Variants in ASTN2 observed in about 807,000 individuals in gnomAD.
The protein encoded by ASTN2 is astrotactin 2.
A neutral mutation model predicts 139.8 loss-of-function variants in ASTN2; 54 were observed. The observed-to-expected ratio is 0.39, with a 90% CI of 0.31 to 0.48. The LOEUF (loss-of-function observed/expected upper bound fraction) is 0.48, where lower values mean the gene tolerates loss of function less well. Among genes scored for constraint, ASTN2 ranks in the 20% least tolerant of loss-of-function variants. The probability of loss-of-function intolerance (pLI) is 0.95; values close to 1 mark genes in which losing one functional copy is unlikely to be tolerated. For synonymous variants in ASTN2, 756 were observed against 719.5 expected (o/e 1.05, Z -0.81); for missense variants, 1,565 against 1,725.1 (o/e 0.91, Z 1.64).
rs190761131 is a variant in ASTN2 at position 116,570,541 on chromosome 9, G to A, written c.3355+47783C>T. The stretch of plus-strand genomic sequence containing the variant: ...CTCTCGAGTAGCTGGGACTACCGGC[G>A]CCCGCCACCATGCCCGGCTAATTTT... On this transcript the variant is annotated intron_variant, in intron 19 of 22. Transcript: ENST00000313400. Among the ~76,000 whole-genome samples the A allele has an allele frequency of 0.019, 2,892 of 152,082 alleles. 399 individuals carry two copies. In the South Asian group the frequency reaches 0.29, roughly 16 times the overall value.
intron 22 of ASTN2, among the ~76,000 whole-genome samples, chr9:116,437,874 C>T (rs1373400430): frequency 3.9e-5 from 6 of 152,248 alleles, no homozygotes; most frequent in East Asian, 1.9e-4. Flanking sequence ...GACAGAGATC[C>T]GTTTTATCCC....
intron 20 of ASTN2, among the ~76,000 whole-genome samples, chr9:116,477,954 G>A (rs956902125): frequency 2.0e-5 from 3 of 150,790 alleles, no homozygotes; most frequent in Non-Finnish European, 4.4e-5. Context: ...CCATGACCAA[G>A]AAAGAGAGAA....
At chr9:117,326,124 T>C (rs1016534340) in intron 1 of ASTN2, among the ~76,000 whole-genome samples, 3 of 152,146 alleles carry the variant, frequency 2.0e-5, no homozygotes, top group African/African-American at 7.2e-5. Context: ...AATCCAGCTG[T>C]TGTGTGAAAA....
intron 19 of ASTN2, among the ~76,000 whole-genome samples, chr9:116,561,578 T>C (rs982021199): frequency 2.0e-5 from 3 of 152,092 alleles, no homozygotes; most frequent in Non-Finnish European, 4.4e-5. Context: ...AAACAGAGAA[T>C]GACTTTGAGA....
At chr9:116,526,733 T>C (rs1258673547) in intron 19 of ASTN2, among the ~76,000 whole-genome samples, 5 of 152,164 alleles carry the variant, frequency 3.3e-5, no homozygotes, top group Non-Finnish European at 5.9e-5. Context: ...TGATTTTTAG[T>C]ATGCATCCCT....
intron 10 of ASTN2, among the ~76,000 whole-genome samples, chr9:116,907,786 C>T (rs997097726): frequency 3.9e-5 from 6 of 152,046 alleles, no homozygotes; most frequent in Admixed American, 6.5e-5. Context: ...TGACAGAAGG[C>T]GGGAGGTAAG....
chr9:117,382,517 G>T (rs963318472), intron 1 of ASTN2, among the ~76,000 whole-genome samples: 12 of 152,206 alleles, frequency 7.9e-5, no homozygotes, highest in Non-Finnish European at 1.3e-4. Context: ...ATGCACAGAG[G>T]TGGTAGGTGG....
At chr9:116,589,515 T>C (rs1854294785) in intron 19 of ASTN2, among the ~76,000 whole-genome samples, 1 of 152,194 alleles carries the variant, frequency 6.6e-6, no homozygotes, top group African/African-American at 2.4e-5. Flanking sequence ...GGTCTTCGTT[T>C]TTTTCTGTGC....
intron 16 of ASTN2, chr9:116,687,101 C>T (rs1860268858): frequency 1.7e-6 from 2 of 1,160,520 alleles, no homozygotes; most frequent in Non-Finnish European, 2.1e-6. Context: ...CGCCCATGGG[C>T]GTCGGTTTCT....
At chr9:116,855,347 T>C (rs979144752) in intron 11 of ASTN2, among the ~76,000 whole-genome samples, 4 of 26,416 alleles carry the variant, frequency 1.5e-4, no homozygotes, top group Admixed American at 3.5e-4. Context: ...ACTCCCTCCT[T>C]TTCATTTCCC....
At chr9:116,906,889 A>G (rs1762466466) in intron 10 of ASTN2, among the ~76,000 whole-genome samples, 1 of 152,232 alleles carries the variant, frequency 6.6e-6, no homozygotes, top group African/African-American at 2.4e-5. Context: ...AATAAATATC[A>G]TGAAATCTAT....
chr9:117,313,728 C>T (rs772126303), intron 1 of ASTN2, among the ~76,000 whole-genome samples: 5 of 152,130 alleles, frequency 3.3e-5, no homozygotes, highest in Non-Finnish European at 5.9e-5. Context: ...AAAGGACTCA[C>T]ATGGTAAGAC....
chr9:116,615,919 A>T (rs1855829259), intron 19 of ASTN2, among the ~76,000 whole-genome samples: 1 of 152,116 alleles, frequency 6.6e-6, no homozygotes, highest in African/African-American at 2.4e-5. Flanking sequence ...GTAATCAAAC[A>T]CTACATTAAA....
intron 10 of ASTN2, among the ~76,000 whole-genome samples, chr9:116,919,580 C>T (rs1834539880): frequency 6.6e-6 from 1 of 151,906 alleles, no homozygotes; most frequent in Admixed American, 6.6e-5. Context: ...CAACAAGGTC[C>T]CTCCTCCTCT....
intron 6 of ASTN2, among the ~76,000 whole-genome samples, chr9:117,023,999 C>T (rs372112626): frequency 3.5e-4 from 53 of 152,012 alleles, no homozygotes; most frequent in African/African-American, 1.3e-3. Context: ...TGGGACTGGG[C>T]GCTACTGAGG....
chr9:116,882,903 G>A (rs985582438), intron 10 of ASTN2, among the ~76,000 whole-genome samples: 5 of 152,042 alleles, frequency 3.3e-5, no homozygotes, highest in Non-Finnish European at 5.9e-5. Flanking sequence ...TCTCAGTGCC[G>A]AAGGGGGTGT....
chr9:116,491,961 T>C (rs978545882), intron 19 of ASTN2, among the ~76,000 whole-genome samples: 1 of 152,154 alleles, frequency 6.6e-6, no homozygotes, highest in African/African-American at 2.4e-5. Context: ...TATTCTTATA[T>C]GTAAAATGAG....
intron 1 of ASTN2, among the ~76,000 whole-genome samples, chr9:117,342,764 A>G (rs1038949333): frequency 1.3e-5 from 2 of 152,188 alleles, no homozygotes; most frequent in African/African-American, 4.8e-5. Context: ...GAATATCCAT[A>G]ACAAATAAGA....
intron 5 of ASTN2, among the ~76,000 whole-genome samples, chr9:117,089,008 C>T (rs991961295): frequency 5.9e-5 from 9 of 152,184 alleles, no homozygotes; most frequent in Non-Finnish European, 1.5e-5. Flanking sequence ...TCCTGATTAG[C>T]AACGCTTCCC....
Sources: gnomAD v4.1 joint callset for allele counts (sites outside exome capture counted in the v4.1 genomes callset) on GRCh38, gnomAD v4.1.1 for gene constraint, MANE v1.5 for transcripts, NCBI Gene and HGNC (gene_info 2026-07-23, HGNC 2026-07-21) for gene names.